RABGAP1L: variants seen among roughly 807,000 people sequenced by gnomAD.
RABGAP1L encodes the protein RAB GTPase activating protein 1 like.
Under a neutral mutation model 137.7 loss-of-function variants are expected in RABGAP1L, and 63 were observed. The observed-to-expected ratio is 0.46, with a 90% CI of 0.37 to 0.56. The LOEUF (loss-of-function observed/expected upper bound fraction) is 0.56. RABGAP1L is among the 20% of genes least tolerant of loss of function. RABGAP1L has a pLI of 0.00. For missense variants in RABGAP1L, 1,095 were observed against 1,244.0 expected (o/e 0.88, Z 1.80); for synonymous variants, 431 against 433.7 (o/e 0.99, Z 0.08).
intron 15 of RABGAP1L, among the ~76,000 whole-genome samples, chr1:174,689,571 G>A (rs939092469): frequency 1.3e-5 from 2 of 152,116 alleles, no homozygotes; most frequent in Non-Finnish European, 2.9e-5. Context: ...CAAAATGACT[G>A]TTGGCTGGCC....
chr1:174,169,856 T>C (rs547742048), intron 1 of RABGAP1L, among the ~76,000 whole-genome samples: 2 of 152,164 alleles, frequency 1.3e-5, no homozygotes, highest in African/African-American at 4.8e-5. Flanking sequence ...CACCACACTC[T>C]GCTAATTTTT....
At chr1:174,369,654 A>T (rs1684936996) in intron 11 of RABGAP1L, among the ~76,000 whole-genome samples, 2 of 152,148 alleles carry the variant, frequency 1.3e-5, no homozygotes, top group Admixed American at 6.6e-5. Context: ...TATTTACATT[A>T]CTTCTATAGT....
chr1:174,568,760 TAAG>T (rs1430635990), intron 13 of RABGAP1L, among the ~76,000 whole-genome samples: 2 of 152,230 alleles, frequency 1.3e-5, no homozygotes, highest in African/African-American at 2.4e-5. Flanking sequence ...GGAACATTAA[TAAG>T]AAGAGGGGCC....
At chr1:174,471,784 T>C (rs921901696) in intron 13 of RABGAP1L, among the ~76,000 whole-genome samples, 4 of 152,218 alleles carry the variant, frequency 2.6e-5, no homozygotes, top group East Asian at 1.9e-4. Context: ...GAGACTGTTA[T>C]GGACTGAATG....
intron 13 of RABGAP1L, among the ~76,000 whole-genome samples, chr1:174,435,033 T>A (rs985616184): frequency 9.2e-5 from 14 of 152,188 alleles, no homozygotes; most frequent in Non-Finnish European, 2.9e-5. Flanking sequence ...CTTTGTCTAT[T>A]TTTTAAGAGA....
intron 13 of RABGAP1L, among the ~76,000 whole-genome samples, chr1:174,612,823 G>A (rs1671396453): frequency 6.6e-6 from 1 of 152,280 alleles, no homozygotes; most frequent in East Asian, 1.9e-4. Context: ...ATTTCTTCTA[G>A]ATTTTCTAGT....
chr1:174,611,790 T>A (rs1195111780), intron 13 of RABGAP1L, among the ~76,000 whole-genome samples: 1 of 152,230 alleles, frequency 6.6e-6, no homozygotes, highest in African/African-American at 2.4e-5. Context: ...TAAGTTGGAT[T>A]CCCAGGTATT....
intron 13 of RABGAP1L, among the ~76,000 whole-genome samples, chr1:174,616,569 T>G (rs550326367): frequency 3.9e-5 from 6 of 152,230 alleles, no homozygotes; most frequent in African/African-American, 1.2e-4. Flanking sequence ...TGGACACTAG[T>G]TAATTAAAAT....
intron 19 of RABGAP1L, among the ~76,000 whole-genome samples, chr1:174,817,872 G>T (rs1558111405): frequency 1.3e-5 from 2 of 152,170 alleles, no homozygotes; most frequent in Non-Finnish European, 2.9e-5. Context: ...ACAGATTTTA[G>T]TGATTACATG....
intron 13 of RABGAP1L, among the ~76,000 whole-genome samples, chr1:174,581,316 A>G (rs531732804): frequency 6.6e-6 from 1 of 152,232 alleles, no homozygotes; most frequent in South Asian, 2.1e-4. Flanking sequence ...TTCATAGCAC[A>G]TCCAAAACGT....
In RABGAP1L at chr1:174,352,808, G is replaced by A. The variant is rs4652334; in HGVS notation, c.1466-18171G>A. ...ATATCTGCGTTAGAGGGCACCCCAAGCCATGTAATGATCCTTGTGGAATTT... is the reference window on the plus strand; with the variant it reads ...ATATCTGCGTTAGAGGGCACCCCAAACCATGTAATGATCCTTGTGGAATTT... On this transcript the variant is annotated intron_variant, in intron 11 of 25. Transcript: ENST00000681986. Among the ~76,000 whole-genome samples the A allele has an allele frequency of 7.1e-3, 1,087 of 152,304 alleles. 11 individuals carry two copies. The highest frequency in any genetic ancestry group is 0.024 in the African/African-American group (1,017 of 41,558).
chr1:174,939,537 C>T (rs962660166), intron 19 of RABGAP1L, among the ~76,000 whole-genome samples: 8 of 144,194 alleles, frequency 5.5e-5, no homozygotes, highest in African/African-American at 2.2e-4. Flanking sequence ...TACAGCGAGA[C>T]TCTGTCTCAC....
chr1:174,534,132 C>CTGTGTGTGTGTGTG (rs35255973), intron 13 of RABGAP1L, among the ~76,000 whole-genome samples: 81 of 132,624 alleles, frequency 6.1e-4, no homozygotes, highest in Admixed American at 1.4e-3. Flanking sequence ...GAGGTCAACT[C>CTGTGTGTGTGTGTG]TGTGTGTGTG....
intron 18 of RABGAP1L, among the ~76,000 whole-genome samples, chr1:174,772,059 C>A (rs931938316): frequency 6.6e-6 from 1 of 151,878 alleles, no homozygotes; most frequent in Admixed American, 6.6e-5. Flanking sequence ...ATTAGCCGGG[C>A]CTGGTGGTGG....
chr1:174,974,511 A>T (rs533099333), intron 21 of RABGAP1L, among the ~76,000 whole-genome samples: 2 of 152,296 alleles, frequency 1.3e-5, no homozygotes, highest in East Asian at 3.9e-4. Context: ...CTTACAACTT[A>T]TGAAAACTTG....
At chr1:174,636,780 A>G (rs1372607677) in intron 13 of RABGAP1L, among the ~76,000 whole-genome samples, 1 of 152,188 alleles carries the variant, frequency 6.6e-6, no homozygotes. Flanking sequence ...GAGAGAGTAC[A>G]TTCATCAAAA....
At chr1:174,430,238 C>T (rs185367970) in intron 13 of RABGAP1L, among the ~76,000 whole-genome samples, 28 of 151,798 alleles carry the variant, frequency 1.8e-4, no homozygotes, top group African/African-American at 5.3e-4. Context: ...AGAAATTAGC[C>T]GGGTGTGGTG....
chr1:174,915,231 T>A (rs1480378650), intron 19 of RABGAP1L, among the ~76,000 whole-genome samples: 1 of 152,212 alleles, frequency 6.6e-6, no homozygotes, highest in Non-Finnish European at 1.5e-5. Flanking sequence ...TATGTTTAAC[T>A]TTTAAGAAAT....
intron 1 of RABGAP1L, among the ~76,000 whole-genome samples, chr1:174,185,124 C>G (rs954074893): frequency 6.6e-6 from 1 of 152,174 alleles, no homozygotes; most frequent in African/African-American, 2.4e-5. Context: ...AAGGAGGAAC[C>G]TGGGAGAGAT....
Sources: gnomAD v4.1 joint callset for allele counts (sites outside exome capture counted in the v4.1 genomes callset) on GRCh38, gnomAD v4.1.1 for gene constraint, MANE v1.5 for transcripts, NCBI Gene and HGNC (gene_info 2026-07-23, HGNC 2026-07-21) for gene names.